PAK5: variants seen among roughly 807,000 people sequenced by gnomAD.
PAK5 encodes the protein serine/threonine-protein kinase PAK 5.
PAK5 carries 16 observed loss-of-function variants against 65.9 expected under a neutral mutation model. The observed-to-expected ratio is 0.24, with a 90% CI of 0.16 to 0.37. The LOEUF (loss-of-function observed/expected upper bound fraction) is 0.37. PAK5 is among the 10% of genes least tolerant of loss of function. PAK5 has a pLI of 1.00. For synonymous variants in PAK5, 371 were observed against 354.9 expected, an observed-to-expected ratio of 1.05 and a Z score of -0.51; for missense variants, 785 against 903.9, an observed-to-expected ratio of 0.87 and a Z score of 1.69.
intron 1 of PAK5, among the ~76,000 whole-genome samples, chr20:9,758,101 T>G (rs1254174102): frequency 6.6e-6 from 1 of 152,220 alleles, no homozygotes; most frequent in African/African-American, 2.4e-5. Context: ...TTTTTTATAC[T>G]TTCCTACAAT....
At chr20:9,833,059 C>T (rs1190278610) in intron 1 of PAK5, among the ~76,000 whole-genome samples, 1 of 152,160 alleles carries the variant, frequency 6.6e-6, no homozygotes, top group Non-Finnish European at 1.5e-5. Flanking sequence ...AAGTACTTCC[C>T]CTAAAATTAG....
intron 2 of PAK5, among the ~76,000 whole-genome samples, chr20:9,662,407 T>C (rs1569026845): frequency 6.6e-6 from 1 of 152,170 alleles, no homozygotes; most frequent in East Asian, 1.9e-4. Context: ...AATCTGGAAC[T>C]CACCCTAGAA....
chr20:9,763,687 A>C (rs2048725160), intron 1 of PAK5, among the ~76,000 whole-genome samples: 1 of 152,172 alleles, frequency 6.6e-6, no homozygotes, highest in Non-Finnish European at 1.5e-5. Context: ...AAAATGGAAC[A>C]AACAGTATTT....
chr20:9,678,771 T>A (rs2423415), intron 2 of PAK5, among the ~76,000 whole-genome samples: 39,036 of 151,950 alleles, frequency 0.26, 5,526 homozygotes, highest in African/African-American at 0.37. Flanking sequence ...CCATTAAATC[T>A]CATGAGAACT....
intron 1 of PAK5, among the ~76,000 whole-genome samples, chr20:9,762,940 A>G (rs2048716384): frequency 6.6e-6 from 1 of 152,184 alleles, no homozygotes; most frequent in African/African-American, 2.4e-5. Context: ...CCTTAAAAAA[A>G]GAAACAAATC....
chr20:9,602,431 G>A (rs2046378895), intron 3 of PAK5, among the ~76,000 whole-genome samples: 1 of 152,218 alleles, frequency 6.6e-6, no homozygotes, highest in Non-Finnish European at 1.5e-5. Flanking sequence ...ATGGCTAGCT[G>A]CATTGTATTC....
Position 9,537,442 on chromosome 20 carries a change from T to C in PAK5, c.*2020A>G, listed in dbSNP as rs545311159. On this transcript the variant is annotated 3_prime_UTR_variant, in exon 10 of 10. Coordinates refer to ENST00000353224, the MANE Select transcript of PAK5 (RefSeq NM_177990.4). ...AAATGCAGTTTCTGCCAATAGTTAG[T>C]GCTCACAAAACCTTTTAAGCTACAG... 4.8e-6 allele frequency: 1 copy of C among 208,190 alleles called. No homozygotes were observed. Among genetic ancestry groups the C allele is most frequent in the Admixed American group, 5.9e-5 (1 of 16,858 alleles). The allele number at this position is 208,190 out of a possible 1,614,324, so 12.9% of individuals were successfully genotyped here. A position where few individuals can be genotyped will look rare whatever the true frequency, so the allele number is the denominator to read the frequency against.
At chr20:9,618,346 C>T (rs1325629549) in intron 3 of PAK5, among the ~76,000 whole-genome samples, 1 of 152,018 alleles carries the variant, frequency 6.6e-6, no homozygotes, top group Non-Finnish European at 1.5e-5. Context: ...GATCCCCTGC[C>T]CAGTGTTATT....
intron 1 of PAK5, among the ~76,000 whole-genome samples, chr20:9,743,530 C>A (rs1450942405): frequency 1.3e-5 from 2 of 152,088 alleles, no homozygotes; most frequent in Admixed American, 1.3e-4. Context: ...GACTCCTAAA[C>A]CAAAATGCAT....
intron 2 of PAK5, among the ~76,000 whole-genome samples, chr20:9,705,191 A>G (rs1443008341): frequency 6.6e-6 from 1 of 152,156 alleles, no homozygotes; most frequent in African/African-American, 2.4e-5. Flanking sequence ...TAACCTAAGT[A>G]CTGGAAAAAT....
chr20:9,820,071 G>T (rs576047882), intron 1 of PAK5, among the ~76,000 whole-genome samples: 2 of 152,262 alleles, frequency 1.3e-5, no homozygotes, highest in African/African-American at 4.8e-5. Context: ...CTGCTATACA[G>T]GTCAACAAAT....
At chr20:9,832,373 A>C (rs1005678031) in intron 1 of PAK5, among the ~76,000 whole-genome samples, 2 of 152,020 alleles carry the variant, frequency 1.3e-5, no homozygotes, top group Non-Finnish European at 2.9e-5. Flanking sequence ...CTCAGGTTCA[A>C]GTGATTCTCT....
chr20:9,736,476 A>G (rs1306379831), intron 1 of PAK5, among the ~76,000 whole-genome samples: 1 of 152,224 alleles, frequency 6.6e-6, no homozygotes, highest in Non-Finnish European at 1.5e-5. Context: ...TTTTAAGTTT[A>G]TTGTGCATAT....
chr20:9,579,851 T>G (rs1363865120), intron 4 of PAK5, among the ~76,000 whole-genome samples: 1 of 152,202 alleles, frequency 6.6e-6, no homozygotes, highest in African/African-American at 2.4e-5. Context: ...TCACATCATA[T>G]TTATCACTCA....
At chr20:9,732,295 C>G (rs565041668) in intron 1 of PAK5, among the ~76,000 whole-genome samples, 1 of 152,150 alleles carries the variant, frequency 6.6e-6, no homozygotes, top group African/African-American at 2.4e-5. Context: ...TTAAAGTGTG[C>G]TTTCTAGGGT....
chr20:9,642,098 G>A (rs2047076939), intron 3 of PAK5, among the ~76,000 whole-genome samples: 1 of 152,230 alleles, frequency 6.6e-6, no homozygotes. Flanking sequence ...CCCAGGCAGG[G>A]GAGGTGCCGA....
At chr20:9,646,069 T>G (rs2047130651) in intron 2 of PAK5, among the ~76,000 whole-genome samples, 1 of 152,244 alleles carries the variant, frequency 6.6e-6, no homozygotes, top group South Asian at 2.1e-4. Context: ...CACAAAATAT[T>G]TGTTGATGGA....
chr20:9,687,928 CTGTGTGTATGTG>C (rs968409080), intron 2 of PAK5, among the ~76,000 whole-genome samples: 1 of 148,384 alleles, frequency 6.7e-6, no homozygotes, highest in African/African-American at 2.5e-5. Context: ...GTGTGTGCAT[CTGTGTGTATGTG>C]TGTAGGGATT....
chr20:9,797,931 A>C (rs1283021389), intron 1 of PAK5, among the ~76,000 whole-genome samples: 2 of 152,136 alleles, frequency 1.3e-5, no homozygotes, highest in Non-Finnish European at 2.9e-5. Flanking sequence ...GAGATGAATA[A>C]GACTACATGG....
Sources: allele counts gnomAD v4.1 joint callset (sites outside exome capture counted in the v4.1 genomes callset), GRCh38; gene constraint gnomAD v4.1.1; transcripts MANE v1.5; gene names NCBI Gene and HGNC (gene_info 2026-07-23, HGNC 2026-07-21).